Variants in WDR27 observed in about 807,000 individuals in gnomAD.
The protein encoded by WDR27 is WD repeat-containing protein 27.
In WDR27, 100 loss-of-function variants were observed where a neutral mutation model predicts 114.4. The ratio of observed to expected loss-of-function variants is 0.87; its 90% CI spans 0.74 to 1.03. The LOEUF is 1.03. WDR27 is among the 50% of genes least tolerant of loss of function. WDR27 has a pLI of 0.00. For missense variants in WDR27, 1,129 were observed against 1,092.9 expected, an observed-to-expected ratio of 1.03 and a Z score of -0.47; for synonymous variants, 449 against 423.1, an observed-to-expected ratio of 1.06 and a Z score of -0.75.
chr6:169,693,001 G>A (rs1477984643), intron 1 of WDR27, among the ~76,000 whole-genome samples: 1 of 152,324 alleles, frequency 6.6e-6, no homozygotes, highest in Middle Eastern at 3.4e-3. Flanking sequence ...GAACTCCTGA[G>A]AAATTCATCA....
Position 169,660,770 on chromosome 6 carries a change from A to G in WDR27, c.1026-4T>C. ...TCGGGTGTTCTCAGAAGAAAGACTG[A>G]TTTAAGGAAAAAAAGAAAAGAATAC... On this transcript the variant is annotated splice_region_variant and splice_polypyrimidine_tract_variant and intron_variant, in intron 9 of 25. Transcript: ENST00000448612. 6.2e-7 allele frequency: 1 copy of G among 1,612,178 alleles called. No individual in the cohort carries two copies. The highest frequency in any genetic ancestry group is 2.2e-5 in the East Asian group (1 of 44,888).
At chr6:169,502,722 C>T (rs1487310864) in intron 25 of WDR27, among the ~76,000 whole-genome samples, 1 of 152,144 alleles carries the variant, frequency 6.6e-6, no homozygotes, top group South Asian at 2.1e-4. Flanking sequence ...CTGGGTCACC[C>T]GGGGTGCTCT....
chr6:169,661,021 G>A (rs1006555978), intron 9 of WDR27, among the ~76,000 whole-genome samples: 4 of 151,884 alleles, frequency 2.6e-5, no homozygotes, highest in Admixed American at 6.6e-5. Context: ...TGGGCCCCAC[G>A]TGCGCCCCCT....
chr6:169,530,345 C>T (rs1046863939), intron 25 of WDR27, among the ~76,000 whole-genome samples: 1 of 152,208 alleles, frequency 6.6e-6, no homozygotes, highest in African/African-American at 2.4e-5. Flanking sequence ...CATGACCTTT[C>T]AAAACAGAGA....
downstream of WDR27, among the ~76,000 whole-genome samples, chr6:169,452,476 G>A (rs1784189479): frequency 1.3e-5 from 2 of 152,162 alleles, no homozygotes; most frequent in Admixed American, 1.3e-4. Context: ...CAGCCGAGGC[G>A]GGACGCAGCC....
At chr6:169,585,758 G>C (rs1017682607) in intron 23 of WDR27, among the ~76,000 whole-genome samples, 32 of 152,300 alleles carry the variant, frequency 2.1e-4, no homozygotes, top group Admixed American at 4.6e-4. Flanking sequence ...TTCATGTTGA[G>C]TGGGCTGGGG....
Position 169,588,561 on chromosome 6 carries a change from G to A in WDR27, c.2425-5627C>T, listed in dbSNP as rs2128150260. On this transcript the variant is annotated intron_variant, in intron 23 of 25. Transcript: ENST00000448612. ...GCATTTCAAACCCATGTTGTTCAAG[G>A]GTCAGCTGAATTTTTAAGGAAAGTG... Among the ~76,000 whole-genome samples, 3 of 152,116 alleles carry A rather than the reference G, an allele frequency of 2.0e-5. No individual in the cohort carries two copies. In the South Asian group the frequency reaches 6.2e-4, roughly 32 times the overall value.
In WDR27 at chr6:169,560,332, G is replaced by A. The variant is rs192032335; in HGVS notation, c.2645+12087C>T. On this transcript the variant is annotated intron_variant, in intron 25 of 25. Coordinates refer to ENST00000448612, the MANE Select transcript of WDR27 (RefSeq NM_182552.5). ...GAGGCCTCCCCAGCCATATGGAACC[G>A]CAAGTCAAATTAAACCTACTTTTCT... Among the ~76,000 whole-genome samples, 83 of 152,298 alleles carry A rather than the reference G, an allele frequency of 5.4e-4. 1 individual carries two copies. The highest frequency in any genetic ancestry group is 1.4e-3 in the African/African-American group (60 of 41,562).
At chr6:169,513,182 C>A (rs531605523) in intron 25 of WDR27, among the ~76,000 whole-genome samples, 3 of 152,242 alleles carry the variant, frequency 2.0e-5, no homozygotes, top group Admixed American at 2.0e-4. Flanking sequence ...GCAGGAATTT[C>A]TGGGGGCACC....
the WDR27 span, among the ~76,000 whole-genome samples, chr6:169,443,279 T>C: frequency 1.3e-5 from 2 of 152,222 alleles, no homozygotes; most frequent in Admixed American, 6.5e-5. Flanking sequence ...GGCTGGGTAC[T>C]TGGAACTAAG....
intron 21 of WDR27, among the ~76,000 whole-genome samples, chr6:169,616,432 G>A (rs532081130): frequency 3.3e-5 from 5 of 152,270 alleles, no homozygotes; most frequent in African/African-American, 1.2e-4. Flanking sequence ...AGGTTGCAGT[G>A]AGCCAAGACT....
chr6:169,694,024 G>C (rs551515500), intron 1 of WDR27, among the ~76,000 whole-genome samples: 5 of 152,312 alleles, frequency 3.3e-5, no homozygotes, highest in African/African-American at 1.2e-4. Context: ...AAATGTAACA[G>C]TCATGCCGGG....
intron 21 of WDR27, among the ~76,000 whole-genome samples, chr6:169,632,627 C>T (rs1185195529): frequency 6.6e-6 from 1 of 152,178 alleles, no homozygotes; most frequent in Non-Finnish European, 1.5e-5. Flanking sequence ...GTTCATAGAA[C>T]CTATGTGTCT....
chr6:169,436,933 C>T, the WDR27 span, among the ~76,000 whole-genome samples: 1 of 151,860 alleles, frequency 6.6e-6, no homozygotes, highest in African/African-American at 2.4e-5. Flanking sequence ...CATTATAATT[C>T]AAAATTTCTT....
intron 25 of WDR27, among the ~76,000 whole-genome samples, chr6:169,461,740 A>G (rs1784932637): frequency 6.6e-6 from 1 of 151,944 alleles, no homozygotes; most frequent in East Asian, 1.9e-4. Context: ...TCACAAAGCT[A>G]GCAGAGGAAG....
the WDR27 span, among the ~76,000 whole-genome samples, chr6:169,450,490 C>T: frequency 6.6e-6 from 1 of 152,226 alleles, no homozygotes; most frequent in African/African-American, 2.4e-5. Context: ...ACCCAACCAC[C>T]ACTGCTGGAA....
chr6:169,590,913 C>CT (rs1357357507), intron 23 of WDR27, among the ~76,000 whole-genome samples: 1 of 152,192 alleles, frequency 6.6e-6, no homozygotes, highest in Non-Finnish European at 1.5e-5. Flanking sequence ...TACTTCCACA[C>CT]TGTGGATACT....
At chr6:169,592,678 C>T (rs1202282313) in intron 23 of WDR27, among the ~76,000 whole-genome samples, 3 of 152,040 alleles carry the variant, frequency 2.0e-5, no homozygotes, top group African/African-American at 7.2e-5. Flanking sequence ...TTAAGTTGTC[C>T]TGTCTAATTT....
intron 25 of WDR27, among the ~76,000 whole-genome samples, chr6:169,562,220 G>A (rs745367239): frequency 4.6e-5 from 7 of 152,074 alleles, no homozygotes; most frequent in African/African-American, 1.4e-4. Flanking sequence ...GTACTGCGCC[G>A]CCAACAGCAG....
Sources: gnomAD v4.1 joint callset for allele counts (sites outside exome capture counted in the v4.1 genomes callset) on GRCh38, gnomAD v4.1.1 for gene constraint, MANE v1.5 for transcripts, NCBI Gene and HGNC (gene_info 2026-07-23, HGNC 2026-07-21) for gene names.